ZNF821: variants seen among roughly 807,000 people sequenced by gnomAD.
The protein encoded by ZNF821 is zinc finger protein 821.
Under a neutral mutation model 44.3 loss-of-function variants are expected in ZNF821, and 16 were observed. The observed-to-expected ratio is 0.36, with a 90% CI of 0.24 to 0.55. The LOEUF (loss-of-function observed/expected upper bound fraction) is 0.55. Among genes scored for constraint, ZNF821 ranks in the 20% least tolerant of loss-of-function variants. ZNF821 has a pLI of 0.86. For synonymous variants in ZNF821, 204 were observed against 197.6 expected (o/e 1.03, Z -0.27); for missense variants, 436 against 547.6 (o/e 0.80, Z 2.03).
chr16:71,864,262 C>T lies in ZNF821; in HGVS notation c.313-20G>A, dbSNP rs1485587967. The stretch of plus-strand genomic sequence containing the variant: ...TGTGACCTGTGATTCAACAAATAGG[C>T]AACTCATTAGGACTCTTTACTCATC... On this transcript the variant is annotated intron_variant, in intron 5 of 7. Coordinates refer to ENST00000425432, the MANE Select transcript of ZNF821 (RefSeq NM_001201552.2). 8 of 1,607,360 alleles carry T rather than the reference C, an allele frequency of 5.0e-6. No individual in the cohort carries two copies. Among genetic ancestry groups the T allele is most frequent in the Non-Finnish European group, 6.8e-6 (8 of 1,173,768 alleles).
chr16:71,889,496 A>G (rs1318573721), upstream of ZNF821, among the ~76,000 whole-genome samples: 1 of 152,030 alleles, frequency 6.6e-6, no homozygotes, highest in Admixed American at 6.6e-5. Context: ...AACATGGTGA[A>G]ACTCTTTCTC....
intron 1 of ZNF821, among the ~76,000 whole-genome samples, chr16:71,893,473 T>C (rs2036904459): frequency 6.6e-6 from 1 of 150,918 alleles, no homozygotes; most frequent in Non-Finnish European, 1.5e-5. Flanking sequence ...ACTTTTTTTT[T>C]TTTTGGGACA....
chr16:71,863,050 C>T (rs1327951553), intron 6 of ZNF821, among the ~76,000 whole-genome samples: 1 of 152,120 alleles, frequency 6.6e-6, no homozygotes, highest in African/African-American at 2.4e-5. Context: ...TGCGCCACCA[C>T]ACCTGGATAA....
chr16:71,880,662 A>G (rs1258710487), intron 2 of ZNF821, among the ~76,000 whole-genome samples: 1 of 152,236 alleles, frequency 6.6e-6, no homozygotes, highest in East Asian at 1.9e-4. Flanking sequence ...AATGTTGAAG[A>G]TGGGCTCTCA....
rs368261367 is a variant in ZNF821 at position 71,892,174 on chromosome 16, G to A, written n.448+2715C>T. Among the ~76,000 whole-genome samples the A allele has an allele frequency of 1.0e-3, 15 of 14,792 alleles. No individual in the cohort carries two copies. The East Asian group carries it at 0.075, about 74-fold the overall frequency. The allele number at this position is 14,792 out of a possible 152,430, so 9.7% of individuals were successfully genotyped here. A position where few individuals can be genotyped will look rare whatever the true frequency, so the allele number is the denominator to read the frequency against. On this transcript the variant is annotated intron_variant and non_coding_transcript_variant, in intron 1 of 2. Transcript: ENST00000561700. Reference sequence around the variant, plus strand: ...GCCTGGGCAACAAGAGAGAAACTCCGTCTCAAAAAAAAAAAAAAAAAAAAA... The same window carrying A: ...GCCTGGGCAACAAGAGAGAAACTCCATCTCAAAAAAAAAAAAAAAAAAAAA...
chr16:71,882,278 A>G (rs1462869370), intron 2 of ZNF821: 1 of 151,484 alleles, frequency 6.6e-6, no homozygotes, highest in East Asian at 1.9e-4. Context: ...CAAAAAAAAA[A>G]AAAAAAGATA....
In ZNF821 at chr16:71,864,972, C is replaced by T. The variant is rs754774891; in HGVS notation, c.243G>A (p.Val81=). Residue 81 remains valine (V), a synonymous_variant, in exon 5 of 8, where the codon GTG becomes GTA. Transcript: ENST00000425432. ...TTTCTAACTCTTTCTCCACTTTGAC[C>T]ACCCCTCCATCTTCCTCTGATGTGT... The part of the protein sequence containing the change: ...SSHTSEEDGG[V]VKVEKELENT... 2.7e-5 allele frequency: 43 copies of T among 1,614,048 alleles called. 1 individual carries two copies. In the East Asian group the frequency reaches 9.4e-4, roughly 35 times the overall value.
chr16:71,894,930 GA>G, exon 1 of ZNF821: 1 of 1,076,436 alleles, frequency 9.3e-7, no homozygotes, highest in East Asian at 2.6e-5. Flanking sequence ...TGGTGCTGAG[GA>G]AACACTACTG....
intron 3 of ZNF821, among the ~76,000 whole-genome samples, chr16:71,878,227 C>A (rs913524088): frequency 1.3e-5 from 2 of 151,164 alleles, no homozygotes; most frequent in Non-Finnish European, 2.9e-5. Context: ...CTGCCTCAGC[C>A]TCCCAAGTAG....
At chr16:71,875,995 T>A (rs568399682) in intron 3 of ZNF821, among the ~76,000 whole-genome samples, 2 of 152,316 alleles carry the variant, frequency 1.3e-5, no homozygotes, top group East Asian at 1.9e-4. Flanking sequence ...GGCATAGACA[T>A]TGGCCACACA....
At chr16:71,893,145 C>T (rs1034754472) in intron 1 of ZNF821, among the ~76,000 whole-genome samples, 1 of 150,276 alleles carries the variant, frequency 6.7e-6, no homozygotes, top group Non-Finnish European at 1.5e-5. Context: ...CTGCCTCAGC[C>T]TCCCGAGTAG....
Position 71,859,963 on chromosome 16 carries a change from G to A in ZNF821, c.*55C>T. On this transcript the variant is annotated 3_prime_UTR_variant, in exon 8 of 8. Transcript: ENST00000425432. Reference sequence around the variant, plus strand: ...CAGCAGCACTGGTCCTCGTGGCTGTGGGTGTGGGTGGGTGGGTAGGTAGGT... The same window carrying A: ...CAGCAGCACTGGTCCTCGTGGCTGTAGGTGTGGGTGGGTGGGTAGGTAGGT... 3.4e-6 allele frequency: 5 copies of A among 1,484,038 alleles called. No homozygotes were observed. Among genetic ancestry groups the A allele is most frequent in the Non-Finnish European group, 4.5e-6 (5 of 1,120,420 alleles). 91.9% of individuals were successfully genotyped at this position (1,484,038 alleles called of 1,614,324 possible). A position where few individuals can be genotyped will look rare whatever the true frequency, so the allele number is the denominator to read the frequency against.
At chr16:71,875,592 T>C (rs938197519) in intron 3 of ZNF821, among the ~76,000 whole-genome samples, 1 of 152,168 alleles carries the variant, frequency 6.6e-6, no homozygotes, top group African/African-American at 2.4e-5. Flanking sequence ...TAGCTGGGAT[T>C]ACAGGCACCC....
upstream of ZNF821, chr16:71,885,317 G>A (rs753732987): frequency 6.6e-6 from 1 of 152,300 alleles, no homozygotes; most frequent in African/African-American, 2.4e-5. Context: ...GATGAGATCT[G>A]GTATTAGAAG....
chr16:71,864,131 T>C lies in ZNF821; in HGVS notation c.417+7A>G. 1 of 1,613,150 alleles carries C rather than the reference T, an allele frequency of 6.2e-7. No homozygotes were observed. The highest frequency in any genetic ancestry group is 8.5e-7 in the Non-Finnish European group (1 of 1,179,380). On this transcript the variant is annotated splice_region_variant and intron_variant, in intron 6 of 7. Transcript: ENST00000425432. ...TGTTCCAGAGCACACAGCTCCCCCATCCATACCTGGTACACGTGAGCAATC... is the reference window on the plus strand; with the variant it reads ...TGTTCCAGAGCACACAGCTCCCCCACCCATACCTGGTACACGTGAGCAATC...
chr16:71,866,101 C>A (rs946540143), intron 4 of ZNF821, among the ~76,000 whole-genome samples: 4 of 152,288 alleles, frequency 2.6e-5, no homozygotes, highest in African/African-American at 7.2e-5. Context: ...CCTATCTTAA[C>A]CCCACCTGGA....
intron 3 of ZNF821, among the ~76,000 whole-genome samples, chr16:71,870,984 T>A (rs1360391217): frequency 6.6e-6 from 1 of 152,232 alleles, no homozygotes; most frequent in Non-Finnish European, 1.5e-5. Flanking sequence ...GAATAAACAT[T>A]CTATCCTCTT....
chr16:71,894,552 C>T lies in ZNF821; in HGVS notation n.448+337G>A, dbSNP rs562791553. The T allele has an allele frequency of 1.6e-5, 4 of 246,018 alleles. No homozygotes were observed. In the East Asian group the frequency reaches 2.9e-4, roughly 18 times the overall value. 15.2% of individuals were successfully genotyped at this position (246,018 alleles called of 1,614,324 possible). A position where few individuals can be genotyped will look rare whatever the true frequency, so the allele number is the denominator to read the frequency against. ...TGAGCCACCGCACCCGGCCCTTTTT[C>T]TTTTTTTCTGTAGCCTAGGCTGGAG... is the stretch of plus-strand genomic sequence containing the variant. On this transcript the variant is annotated intron_variant and non_coding_transcript_variant, in intron 1 of 2. Transcript: ENST00000561700.
chr16:71,889,210 C>T (rs1050405638), upstream of ZNF821, among the ~76,000 whole-genome samples: 3 of 152,034 alleles, frequency 2.0e-5, no homozygotes. Flanking sequence ...TGCACTTCAG[C>T]CTGATGACAG....
Sources: allele counts gnomAD v4.1 joint callset (sites outside exome capture counted in the v4.1 genomes callset), GRCh38; gene constraint gnomAD v4.1.1; transcripts MANE v1.5; gene names NCBI Gene and HGNC (gene_info 2026-07-23, HGNC 2026-07-21).